Variants in CDKN2B observed in about 807,000 individuals in gnomAD.
CDKN2B encodes the protein cyclin dependent kinase inhibitor 2B, also known as cyclin-dependent kinase 4 inhibitor B.
Under a neutral mutation model 7.7 loss-of-function variants are expected in CDKN2B, and 8 were observed. The observed-to-expected ratio is 1.04, with a 90% CI of 0.61 to 1.87. The LOEUF (loss-of-function observed/expected upper bound fraction) is 1.87, where lower values mean the gene tolerates loss of function less well. CDKN2B is among the 40% of genes most tolerant of loss of function. The pLI is 0.00. For missense variants in CDKN2B, 244 were observed against 213.1 expected (o/e 1.15, Z -0.90); for synonymous variants, 93 against 95.8 (o/e 0.97, Z 0.17).
Position 22,008,855 on chromosome 9 carries a change from G to T in CDKN2B, c.99C>A (p.Leu33=). The T allele has an allele frequency of 6.2e-7, 1 of 1,611,164 alleles. No homozygotes were observed. The highest frequency in any genetic ancestry group is 8.5e-7 in the Non-Finnish European group (1 of 1,179,086). Residue 33 remains leucine (L), a synonymous_variant, in exon 1 of 2, where the codon CTC becomes CTA. Transcript: ENST00000276925. ...CGTTGGGATCCGCGCCGGCTTCCAG[G>T]AGCTGTCGCACCTTCTCCACTAGTC... ...ARGLVEKVRQ[L]LEAGADPNGV...
chr9:22,008,540 A>C, intron 1 of CDKN2B: 1 of 857,700 alleles, frequency 1.2e-6, no homozygotes, highest in Non-Finnish European at 1.7e-6. Context: ...TCCCCAATTC[A>C]GTCTATTCCT....
rs1821351580 is a variant in CDKN2B at position 22,009,042 on chromosome 9, C to T, written c.-89G>A. 1.9e-6 allele frequency: 3 copies of T among 1,576,502 alleles called. No individual in the cohort carries two copies. The highest frequency in any genetic ancestry group is 2.2e-5 in the South Asian group (2 of 89,856). On this transcript the variant is annotated 5_prime_UTR_variant, in exon 1 of 2. Coordinates refer to ENST00000276925, the MANE Select transcript of CDKN2B (RefSeq NM_004936.4). Reference sequence around the variant, plus strand: ...TCTTCCCTTCTTTCCCACGCTGCTCCGGCGCACTCTCTCCTTCCTAGGAGA... The same window carrying T: ...TCTTCCCTTCTTTCCCACGCTGCTCTGGCGCACTCTCTCCTTCCTAGGAGA...
At chr9:22,008,677 C>A (rs774439061) in intron 1 of CDKN2B, 121 bp downstream of exon 1, 1 of 1,608,808 alleles carries the variant, frequency 6.2e-7, no homozygotes, top group South Asian at 1.1e-5. Context: ...ATGCACACCT[C>A]CGGCCAACGG....
In CDKN2B at chr9:22,005,803, C is replaced by T; in HGVS notation, c.*184G>A. On this transcript the variant is annotated 3_prime_UTR_variant, in exon 2 of 2. Coordinates refer to ENST00000276925, the MANE Select transcript of CDKN2B (RefSeq NM_004936.4). The surrounding 1 kb of genome is among the most constrained non-coding windows in gnomAD (Gnocchi z 4.9). ...GGTGAGTGTCGAGGGCCAGATAAGA[C>T]AAAGAAAAAAATGTATGGAAGGTTA... 2 of 748,612 alleles carry T rather than the reference C, an allele frequency of 2.7e-6. No homozygotes were observed. Among genetic ancestry groups the T allele is most frequent in the Non-Finnish European group, 4.4e-6 (2 of 457,572 alleles). The allele number at this position is 748,612 out of a possible 1,614,324, so 46.4% of individuals were successfully genotyped here.
At position 22,006,015 on chromosome 9, in the gene CDKN2B, C is replaced by G. The variant is rs778016656; in HGVS notation, c.389G>C (p.Gly130Ala). The G allele has an allele frequency of 1.2e-6, 2 of 1,603,396 alleles. No homozygotes were observed. Among genetic ancestry groups the G allele is most frequent in the East Asian group, 2.2e-5 (1 of 44,876 alleles). Reference sequence around the variant, plus strand: ...GTCCCCCGTGGCTGTGCGCAGGTACCCTGCAACGTCGCGGTGGCCCCGCTC... The same window carrying G: ...GTCCCCCGTGGCTGTGCGCAGGTACGCTGCAACGTCGCGGTGGCCCCGCTC... ...AEERGHRDVA[G>A]YLRTATGD The change falls in exon 2 of 2, where the codon GGG becomes GCG. Residue 130 changes from glycine (G) to alanine (A), a missense_variant. Physicochemically the swap from Gly to Ala is moderately conservative, Grantham distance 60 (BLOSUM62 0). Coordinates refer to ENST00000276925, the MANE Select transcript of CDKN2B (RefSeq NM_004936.4). The surrounding 1 kb of genome is among the most constrained non-coding windows in gnomAD (Gnocchi z 6.4).
chr9:22,009,305 T>A lies in CDKN2B; in HGVS notation c.-352A>T, dbSNP rs1478690837. 2.3e-6 allele frequency: 1 copy of A among 432,938 alleles called. No individual in the cohort carries two copies. Among genetic ancestry groups the A allele is most frequent in the Non-Finnish European group, 4.1e-6 (1 of 241,842 alleles). 26.8% of individuals were successfully genotyped at this position (432,938 alleles called of 1,614,324 possible). A position where few individuals can be genotyped will look rare whatever the true frequency, so the allele number is the denominator to read the frequency against. On this transcript the variant is annotated 5_prime_UTR_variant, in exon 1 of 2. Transcript: ENST00000276925. ...ACTGCCCCGCCTCGCTCTGGCAGAG[T>A]GGGGAGCCAGCCGGCAAAGAATTCC...
Position 22,004,796 on chromosome 9 carries a change from C to T in CDKN2B, c.*1191G>A, listed in dbSNP as rs1821084076. 2 of 233,020 alleles carry T rather than the reference C, an allele frequency of 8.6e-6. No individual in the cohort carries two copies. Among genetic ancestry groups the T allele is most frequent in the African/African-American group, 2.2e-5 (1 of 45,328 alleles). The allele number at this position is 233,020 out of a possible 1,614,324, so 14.4% of individuals were successfully genotyped here. A position where few individuals can be genotyped will look rare whatever the true frequency, so the allele number is the denominator to read the frequency against. On this transcript the variant is annotated 3_prime_UTR_variant, in exon 2 of 2. Coordinates refer to ENST00000276925, the MANE Select transcript of CDKN2B (RefSeq NM_004936.4). Reference sequence around the variant, plus strand: ...TAATTTACTGCATAAGTGCATCTATCTTCTAAAAGACATTTGGAATATTTC... The same window carrying T: ...TAATTTACTGCATAAGTGCATCTATTTTCTAAAAGACATTTGGAATATTTC...
chr9:22,008,588 TA>T, intron 1 of CDKN2B: 4 of 1,425,858 alleles, frequency 2.8e-6, no homozygotes, highest in East Asian at 2.4e-5. Flanking sequence ...CAAAAACCAC[TA>T]AAAAAAGCTT....
At chr9:22,007,564 A>G (rs1162338484) in intron 1 of CDKN2B, among the ~76,000 whole-genome samples, 1 of 152,108 alleles carries the variant, frequency 6.6e-6, no homozygotes, top group Non-Finnish European at 1.5e-5. Flanking sequence ...AAATCGAGTT[A>G]TTTGTTATGG....
chr9:22,006,225 C>G lies in CDKN2B; in HGVS notation c.179G>C (p.Arg60Pro). ...AIQVMMMGSA[R>P]VAELLLLHGA... ...GTGGAGCAGCAGCAGCTCCGCCACG[C>G]GGGCGCTGCCCATCATCATGACCTG... Residue 60 changes from arginine (R) to proline (P), a missense_variant, in exon 2 of 2, where the codon CGC (arginine) becomes CCC (proline). Arg to Pro is a moderately radical substitution (Grantham distance 103). Coordinates refer to ENST00000276925, the MANE Select transcript of CDKN2B (RefSeq NM_004936.4). The surrounding 1 kb of genome is among the most constrained non-coding windows in gnomAD (Gnocchi z 6.4). 1.2e-6 allele frequency: 2 copies of G among 1,606,652 alleles called. No homozygotes were observed. The highest frequency in any genetic ancestry group is 2.2e-5 in the South Asian group (2 of 91,050).
At position 22,005,477 on chromosome 9, in the gene CDKN2B, T is replaced by C. The variant is rs1428115235; in HGVS notation, c.*510A>G. On this transcript the variant is annotated 3_prime_UTR_variant, in exon 2 of 2. Transcript: ENST00000276925. This position sits in a 1 kb window ranked among gnomAD's most constrained non-coding sequence, Gnocchi z 4.9. ...GAAGCCCACCTCGGCCCTCCTCCAC[T>C]TTGTCCTCAGTCTTCAGGTTTTCCT... The C allele has an allele frequency of 3.8e-6, 1 of 262,450 alleles. No homozygotes were observed. The highest frequency in any genetic ancestry group is 5.5e-5 in the East Asian group (1 of 18,216). The allele number at this position is 262,450 out of a possible 1,614,324, so 16.3% of individuals were successfully genotyped here. A position where few individuals can be genotyped will look rare whatever the true frequency, so the allele number is the denominator to read the frequency against.
At position 22,003,774 on chromosome 9, in the gene CDKN2B, T is replaced by C; in HGVS notation, c.*2213A>G. On this transcript the variant is annotated 3_prime_UTR_variant, in exon 2 of 2. Transcript: ENST00000276925. ...TTGGGGGGGGTTATTCTCCATATTGTTGACATTTTAAAATAGTTTTCAAAC... is the reference window on the plus strand; with the variant it reads ...TTGGGGGGGGTTATTCTCCATATTGCTGACATTTTAAAATAGTTTTCAAAC... 4.3e-6 allele frequency: 1 copy of C among 232,352 alleles called. No homozygotes were observed. The highest frequency in any genetic ancestry group is 8.5e-6 in the Non-Finnish European group (1 of 117,492). The allele number at this position is 232,352 out of a possible 1,614,324, so 14.4% of individuals were successfully genotyped here.
intron 1 of CDKN2B, 200 bp downstream of exon 1, chr9:22,008,598 T>G (rs1199253667): frequency 6.7e-7 from 1 of 1,493,442 alleles, no homozygotes; most frequent in Non-Finnish European, 9.0e-7. Context: ...TAAAAAAAGC[T>G]TAAACAGTGG....
rs1821064408 is a variant in CDKN2B at position 22,004,331 on chromosome 9, CTTTTAAATG to C, written c.*1647_*1655del. 1 of 232,222 alleles carries C rather than the reference CTTTTAAATG, an allele frequency of 4.3e-6. No individual in the cohort carries two copies. Among genetic ancestry groups the C allele is most frequent in the East Asian group, 6.1e-5 (1 of 16,340 alleles). 14.4% of individuals were successfully genotyped at this position (232,222 alleles called of 1,614,324 possible). A position where few individuals can be genotyped will look rare whatever the true frequency, so the allele number is the denominator to read the frequency against. On this transcript the variant is annotated 3_prime_UTR_variant, in exon 2 of 2. Transcript: ENST00000276925. ...TGACTTGTTTCTGTTCCTTTTTTCT[CTTTTAAATG>C]TGTATCTGGTAGAATGAGCATTTAG...
In CDKN2B at chr9:22,006,299, A is replaced by G. The variant is rs1563914593; in HGVS notation, c.157-52T>C. The G allele has an allele frequency of 1.3e-6, 2 of 1,598,132 alleles. No individual in the cohort carries two copies. The highest frequency in any genetic ancestry group is 1.7e-6 in the Non-Finnish European group (2 of 1,179,300). ...GCCAGGGTGGGGGCAGGTATGGGAG[A>G]TGCCGGCCGGGGCAAGGCAGGTGGA... On this transcript the variant is annotated intron_variant, in intron 1 of 1. Transcript: ENST00000276925. This position sits in a 1 kb window ranked among gnomAD's most constrained non-coding sequence, Gnocchi z 6.4.
chr9:22,005,712 C>A lies in CDKN2B; in HGVS notation c.*275G>T. Reference sequence around the variant, plus strand: ...CCCTCAGAAAACCCTGAAAAGCAAACGACCCCTGGAATGTCACACACTCCT... The same window carrying A: ...CCCTCAGAAAACCCTGAAAAGCAAAAGACCCCTGGAATGTCACACACTCCT... On this transcript the variant is annotated 3_prime_UTR_variant, in exon 2 of 2. Transcript: ENST00000276925. The surrounding 1 kb of genome is among the most constrained non-coding windows in gnomAD (Gnocchi z 4.9). 1 of 562,134 alleles carries A rather than the reference C, an allele frequency of 1.8e-6. No individual in the cohort carries two copies. Among genetic ancestry groups the A allele is most frequent in the Non-Finnish European group, 3.2e-6 (1 of 313,404 alleles). 34.8% of individuals were successfully genotyped at this position (562,134 alleles called of 1,614,324 possible). A position where few individuals can be genotyped will look rare whatever the true frequency, so the allele number is the denominator to read the frequency against.
chr9:22,007,872 A>G (rs1055237466), intron 1 of CDKN2B, among the ~76,000 whole-genome samples: 2 of 152,208 alleles, frequency 1.3e-5, no homozygotes, highest in Non-Finnish European at 2.9e-5. Context: ...CTCATTTGTT[A>G]TACCATTATT....
At chr9:22,008,656 T>G in intron 1 of CDKN2B, 142 bp downstream of exon 1, 1 of 1,604,040 alleles carries the variant, frequency 6.2e-7, no homozygotes, top group Admixed American at 1.7e-5. Flanking sequence ...AAAGCCTGTT[T>G]TACGCGTGGA....
Position 22,008,883 on chromosome 9 carries a change from C to G in CDKN2B, c.71G>C (p.Arg24Pro). The G allele has an allele frequency of 6.2e-7, 1 of 1,612,482 alleles. No individual in the cohort carries two copies. Among genetic ancestry groups the G allele is most frequent in the East Asian group, 2.2e-5 (1 of 44,862 alleles). The change falls in exon 1 of 2, where the codon CGG becomes CCG. Residue 24 changes from arginine to proline, a missense_variant. Arg to Pro is a moderately radical substitution (Grantham distance 103). Coordinates refer to ENST00000276925, the MANE Select transcript of CDKN2B (RefSeq NM_004936.4). Reference protein sequence around the residue: ...SDEGLASAAARGLVEKVRQLL... With the variant: ...SDEGLASAAAPGLVEKVRQLL... ...CTGTCGCACCTTCTCCACTAGTCCC[C>G]GCGCCGCGGCGCTGGCCAGACCCTC...
Sources: gnomAD v4.1 joint callset for allele counts (sites outside exome capture counted in the v4.1 genomes callset) on GRCh38, gnomAD v4.1.1 for gene constraint, Gnocchi (gnomAD v3.1) non-coding constraint, MANE v1.5 for transcripts, NCBI Gene and HGNC (gene_info 2026-07-23, HGNC 2026-07-21) for gene names.